WASF3: variants seen among roughly 807,000 people sequenced by gnomAD.
WASF3 encodes actin-binding protein WASF3.
WASF3 carries 11 observed loss-of-function variants against 46.6 expected under a neutral mutation model. The ratio of observed to expected loss-of-function variants is 0.24; its 90% confidence interval spans 0.15 to 0.39. WASF3 has a LOEUF of 0.39. Ranked by LOEUF, WASF3 falls within the 10% of genes least tolerant of loss-of-function variation. The pLI is 1.00. For missense variants in WASF3, 576 were observed against 669.8 expected (o/e 0.86, Z 1.55); for synonymous variants, 242 against 259.7 (o/e 0.93, Z 0.65).
the WASF3 span, among the ~76,000 whole-genome samples, chr13:26,543,630 G>A: frequency 6.6e-6 from 1 of 152,162 alleles, no homozygotes; most frequent in Admixed American, 6.5e-5. Flanking sequence ...GCTTTCTGGT[G>A]CCTGGTGCCC....
intron 1 of WASF3, among the ~76,000 whole-genome samples, chr13:26,599,699 G>A (rs566344634): frequency 6.6e-6 from 1 of 152,258 alleles, no homozygotes; most frequent in South Asian, 2.1e-4. Context: ...CCACCACTTT[G>A]CCACAGATGA....
At chr13:26,568,542 C>T (rs139015887) in intron 1 of WASF3, among the ~76,000 whole-genome samples, 1 of 152,276 alleles carries the variant, frequency 6.6e-6, no homozygotes, top group Non-Finnish European at 1.5e-5. Flanking sequence ...CTTGGAAGGA[C>T]TACTTGCATG....
the WASF3 span, among the ~76,000 whole-genome samples, chr13:26,540,996 A>T: frequency 1.3e-5 from 2 of 152,158 alleles, no homozygotes; most frequent in Non-Finnish European, 2.9e-5. Context: ...ATACGTTAAG[A>T]GTGCTTGTCT....
At chr13:26,636,557 C>T (rs1881827823) in intron 2 of WASF3, among the ~76,000 whole-genome samples, 1 of 152,244 alleles carries the variant, frequency 6.6e-6, no homozygotes, top group African/African-American at 2.4e-5. Flanking sequence ...CCAGGTACCT[C>T]AGTTGGAAAT....
chr13:26,666,300 C>T (rs771922983), intron 4 of WASF3, among the ~76,000 whole-genome samples: 9 of 151,984 alleles, frequency 5.9e-5, no homozygotes, highest in African/African-American at 2.2e-4. Context: ...TGGCTGTTGC[C>T]GTTAGAATGC....
At chr13:26,600,243 AAGAAG>A (rs1221002471) in intron 1 of WASF3, among the ~76,000 whole-genome samples, 2 of 152,308 alleles carry the variant, frequency 1.3e-5, no homozygotes, top group African/African-American at 4.8e-5. Flanking sequence ...TTTCAAATAA[AAGAAG>A]AGAAGGCTAG....
intron 7 of WASF3, chr13:26,680,025 T>A (rs1566073753): frequency 6.3e-7 from 1 of 1,594,550 alleles, no homozygotes; most frequent in Non-Finnish European, 8.5e-7. Flanking sequence ...GTGTTTGGTA[T>A]TTCCTTCAGA....
chr13:26,590,147 G>A (rs1593134220), intron 1 of WASF3, among the ~76,000 whole-genome samples: 1 of 152,126 alleles, frequency 6.6e-6, no homozygotes, highest in East Asian at 1.9e-4. Context: ...AATGTTCTTG[G>A]TTTGAAGCCT....
intron 2 of WASF3, among the ~76,000 whole-genome samples, chr13:26,616,331 G>T (rs1183663763): frequency 6.6e-6 from 1 of 152,130 alleles, no homozygotes; most frequent in Non-Finnish European, 1.5e-5. Flanking sequence ...ATCTCCTGCG[G>T]TTTTAATTTG....
At chr13:26,685,471 A>C (rs1883373404) in intron 9 of WASF3, among the ~76,000 whole-genome samples, 1 of 152,230 alleles carries the variant, frequency 6.6e-6, no homozygotes, top group Non-Finnish European at 1.5e-5. Context: ...TTAATATTTT[A>C]ACACATTACT....
chr13:26,684,788 T>C (rs900508496), intron 9 of WASF3, among the ~76,000 whole-genome samples: 1 of 152,164 alleles, frequency 6.6e-6, no homozygotes. Context: ...ATGTTAGCAG[T>C]TGGGGAATCC....
At chr13:26,554,088 C>CTTTCTTTCTTTCTTTCT (rs1289008259), upstream of WASF3, among the ~76,000 whole-genome samples, 12 of 27,664 alleles carry the variant, frequency 4.3e-4, no homozygotes, top group East Asian at 3.1e-3. Context: ...TCCTTCCTTC[C>CTTTCTTTCTTTCTTTCT]TTCCTTCCTT....
chr13:26,565,603 A>G (rs1325204022), intron 1 of WASF3, among the ~76,000 whole-genome samples: 1 of 152,208 alleles, frequency 6.6e-6, no homozygotes, highest in Non-Finnish European at 1.5e-5. Context: ...TTTGATCAGA[A>G]ACCCAGAAAT....
At chr13:26,563,763 C>G (rs554953116) in intron 1 of WASF3, among the ~76,000 whole-genome samples, 2 of 149,402 alleles carry the variant, frequency 1.3e-5, no homozygotes, top group Non-Finnish European at 3.0e-5. Flanking sequence ...GCACATGTGC[C>G]TCTTCTCTGG....
At chr13:26,545,342 C>T in the WASF3 span, among the ~76,000 whole-genome samples, 3 of 152,076 alleles carry the variant, frequency 2.0e-5, no homozygotes, top group African/African-American at 7.2e-5. Flanking sequence ...TTTCAGAATG[C>T]TTAGATTTAT....
chr13:26,628,857 C>T (rs1881561097), intron 2 of WASF3, among the ~76,000 whole-genome samples: 1 of 152,202 alleles, frequency 6.6e-6, no homozygotes, highest in African/African-American at 2.4e-5. Flanking sequence ...GCCTCCAGCC[C>T]TAGGCGCCTA....
chr13:26,582,676 C>CAAAAAAAAA (rs398022033), intron 1 of WASF3, among the ~76,000 whole-genome samples: 1 of 53,396 alleles, frequency 1.9e-5, no homozygotes, highest in Non-Finnish European at 3.1e-5. Flanking sequence ...GACTCCGTCT[C>CAAAAAAAAA]AAAAAAAAAA....
intron 3 of WASF3, among the ~76,000 whole-genome samples, chr13:26,663,940 T>G (rs1007430932): frequency 6.6e-6 from 1 of 152,216 alleles, no homozygotes; most frequent in Non-Finnish European, 1.5e-5. Context: ...GATCCTCTGT[T>G]TAGTCAGCCA....
At chr13:26,655,242 T>A (rs1479164922) in intron 3 of WASF3, among the ~76,000 whole-genome samples, 1 of 152,320 alleles carries the variant, frequency 6.6e-6, no homozygotes, top group East Asian at 1.9e-4. Flanking sequence ...ACCTTGACAC[T>A]TTTATGACCT....
Sources: gnomAD v4.1 joint callset for allele counts (sites outside exome capture counted in the v4.1 genomes callset) on GRCh38, gnomAD v4.1.1 for gene constraint, MANE v1.5 for transcripts, NCBI Gene and HGNC (gene_info 2026-07-23, HGNC 2026-07-21) for gene names.